GADL1: variants seen among roughly 807,000 people sequenced by gnomAD.
GADL1 encodes the protein acidic amino acid decarboxylase GADL1.
In GADL1, 71 loss-of-function variants were observed where a neutral mutation model predicts 69.5. The observed-to-expected ratio is 1.02, with a 90% confidence interval of 0.84 to 1.25. The LOEUF is 1.25. Among genes scored for constraint, GADL1 ranks in the 50% most tolerant of loss-of-function variants. The probability of loss-of-function intolerance (pLI) is 0.00; values close to 1 mark genes in which losing one functional copy is unlikely to be tolerated. For synonymous variants in GADL1, 254 were observed against 214.4 expected, an observed-to-expected ratio of 1.18 and a Z score of -1.62; for missense variants, 737 against 631.8, an observed-to-expected ratio of 1.17 and a Z score of -1.79.
At chr3:30,870,563 C>T (rs1400181573) in intron 1 of GADL1, among the ~76,000 whole-genome samples, 5 of 151,662 alleles carry the variant, frequency 3.3e-5, no homozygotes, top group African/African-American at 1.2e-4. Flanking sequence ...GTAACATGAA[C>T]TGGCTTACAT....
intron 14 of GADL1, among the ~76,000 whole-genome samples, chr3:30,760,734 G>A (rs1012892206): frequency 2.6e-5 from 4 of 152,130 alleles, no homozygotes; most frequent in Non-Finnish European, 5.9e-5. Flanking sequence ...AGCAATGAGT[G>A]GTTTTGGTTA....
At position 30,732,964 on chromosome 3, in the gene GADL1, C is replaced by T. The variant is rs942834964; in HGVS notation, c.1393-4549G>A. Among the ~76,000 whole-genome samples the T allele has an allele frequency of 5.9e-5, 9 of 151,928 alleles. No individual in the cohort carries two copies. In the East Asian group the frequency reaches 1.4e-3, roughly 23 times the overall value. The stretch of plus-strand genomic sequence containing the variant: ...CCCAACTACTAGGGAGGCTGCGGCA[C>T]GGGACGCAGGGGTTGTGGTGAGCCA... On this transcript the variant is annotated intron_variant, in intron 14 of 14. Transcript: ENST00000282538.
chr3:30,767,586 A>T (rs1696313450), intron 14 of GADL1, among the ~76,000 whole-genome samples: 1 of 152,336 alleles, frequency 6.6e-6, no homozygotes, highest in South Asian at 2.1e-4. Context: ...AATAACTTCT[A>T]CATGGATTAA....
intron 12 of GADL1, among the ~76,000 whole-genome samples, chr3:30,787,004 C>T (rs1346405133): frequency 2.6e-5 from 4 of 152,070 alleles, no homozygotes; most frequent in Non-Finnish European, 1.5e-5. Context: ...AGTGAGAACA[C>T]ATGGACACAG....
chr3:30,823,580 T>G (rs1285585312), intron 11 of GADL1, among the ~76,000 whole-genome samples: 1 of 151,870 alleles, frequency 6.6e-6, no homozygotes, highest in African/African-American at 2.4e-5. Flanking sequence ...AAATTATTCC[T>G]AAGGGTAAAT....
At position 30,856,262 on chromosome 3, in the gene GADL1, C is replaced by A. The variant is rs551258620; in HGVS notation, c.337+753G>T. ...AAAGTAATGCCTGTATGATCTTAAG[C>A]GCTAGATACCTTTACATTACACTGA... On this transcript the variant is annotated intron_variant, in intron 3 of 14. Transcript: ENST00000282538. Among the ~76,000 whole-genome samples the A allele has an allele frequency of 2.6e-5, 4 of 152,128 alleles. No individual in the cohort carries two copies. The Middle Eastern group carries it at 0.01, about 388-fold the overall frequency.
At chr3:30,809,001 C>T (rs1314672463) in intron 11 of GADL1, among the ~76,000 whole-genome samples, 4 of 152,122 alleles carry the variant, frequency 2.6e-5, no homozygotes, top group African/African-American at 9.7e-5. Flanking sequence ...GGAGAGTGTG[C>T]TTCATATACT....
In GADL1 at chr3:30,861,783, A is replaced by G; in HGVS notation, c.38-18T>C. ...AATATCTCCTGGAAGCAAGCAAACA[A>G]ATTGTGTTTGAGAGATAATCTAATT... On this transcript the variant is annotated intron_variant, in intron 1 of 14. Coordinates refer to ENST00000282538, the MANE Select transcript of GADL1 (RefSeq NM_207359.3). 1.3e-6 allele frequency: 2 copies of G among 1,521,632 alleles called. No individual in the cohort carries two copies. The highest frequency in any genetic ancestry group is 1.8e-6 in the Non-Finnish European group (2 of 1,125,826). 94.3% of individuals were successfully genotyped at this position (1,521,632 alleles called of 1,614,324 possible).
chr3:30,836,848 A>C (rs553769807), intron 9 of GADL1, among the ~76,000 whole-genome samples: 21 of 152,136 alleles, frequency 1.4e-4, no homozygotes, highest in Non-Finnish European at 2.4e-4. Flanking sequence ...AGAAACTAGC[A>C]TAACAATTGC....
intron 11 of GADL1, among the ~76,000 whole-genome samples, chr3:30,818,524 G>C (rs1218016596): frequency 2.6e-5 from 4 of 151,912 alleles, no homozygotes; most frequent in Non-Finnish European, 5.9e-5. Context: ...GCCTCCCCTT[G>C]TTCTCTATTT....
At chr3:30,823,160 G>A (rs1697620308) in intron 11 of GADL1, among the ~76,000 whole-genome samples, 1 of 151,908 alleles carries the variant, frequency 6.6e-6, no homozygotes, top group Non-Finnish European at 1.5e-5. Context: ...GGTACAATGA[G>A]GGAAAGGGAA....
At chr3:30,808,323 C>A (rs1004233606) in intron 11 of GADL1, among the ~76,000 whole-genome samples, 2 of 151,916 alleles carry the variant, frequency 1.3e-5, no homozygotes, top group East Asian at 3.9e-4. Flanking sequence ...TGGTTGAAAC[C>A]CCATCTCTAC....
rs569106270 is a variant in GADL1 at position 30,811,232 on chromosome 3, TGAG to T, written c.1051-10147_1051-10145del. 3.0e-4 allele frequency among the ~76,000 whole-genome samples: 46 copies of T among 152,256 alleles called. 1 individual carries two copies. In the South Asian group the frequency reaches 7.3e-3, roughly 24 times the overall value. ...GGGTTAGAATGAGCTGCTTAGAAAATGAGGAGACTGAACTAAGATATTTTTAGA... is the reference window on the plus strand; with the variant it reads ...GGGTTAGAATGAGCTGCTTAGAAAATGAGACTGAACTAAGATATTTTTAGA... On this transcript the variant is annotated intron_variant, in intron 11 of 14. Coordinates refer to ENST00000282538, the MANE Select transcript of GADL1 (RefSeq NM_207359.3).
At chr3:30,883,506 T>C (rs1467078848) in intron 1 of GADL1, among the ~76,000 whole-genome samples, 2 of 151,992 alleles carry the variant, frequency 1.3e-5, no homozygotes, top group African/African-American at 2.4e-5. Context: ...CATTTATCAA[T>C]ACGTCTGTCT....
intron 14 of GADL1, among the ~76,000 whole-genome samples, chr3:30,744,677 G>A (rs974371659): frequency 3.9e-5 from 6 of 152,032 alleles, no homozygotes; most frequent in Non-Finnish European, 5.9e-5. Context: ...TCACACCACC[G>A]CACTCCAGCC....
intron 14 of GADL1, among the ~76,000 whole-genome samples, chr3:30,738,466 C>T (rs572267883): frequency 6.6e-6 from 1 of 152,276 alleles, no homozygotes; most frequent in South Asian, 2.1e-4. Context: ...CATCTCTACA[C>T]TTTTTCTTGA....
Position 30,807,518 on chromosome 3 carries a change from T to C in GADL1, c.1051-6430A>G, listed in dbSNP as rs995824323. On this transcript the variant is annotated intron_variant, in intron 11 of 14. Transcript: ENST00000282538. ...TGTCCTTGGTAGATGCTGTGGGTCT[T>C]TACAAGTCTCAGTGTAGTTTAAATG... 1.3e-5 allele frequency among the ~76,000 whole-genome samples: 2 copies of C among 152,348 alleles called. 1 individual carries two copies.
At chr3:30,892,098 G>A (rs1189654701) in intron 1 of GADL1, among the ~76,000 whole-genome samples, 2 of 152,192 alleles carry the variant, frequency 1.3e-5, no homozygotes, top group Non-Finnish European at 2.9e-5. Flanking sequence ...ATTTGAGTCT[G>A]AAGAATCATT....
intron 4 of GADL1, among the ~76,000 whole-genome samples, chr3:30,852,371 G>A (rs775468354): frequency 2.1e-4 from 32 of 152,004 alleles, no homozygotes; most frequent in Non-Finnish European, 4.3e-4. Context: ...AATTAGCCAC[G>A]CATGGTGGTA....
Sources: gnomAD v4.1 joint callset for allele counts (sites outside exome capture counted in the v4.1 genomes callset) on GRCh38, gnomAD v4.1.1 for gene constraint, MANE v1.5 for transcripts, NCBI Gene and HGNC (gene_info 2026-07-23, HGNC 2026-07-21) for gene names.